Variants in GNG4 observed in about 807,000 individuals in gnomAD.
GNG4 encodes guanine nucleotide-binding protein G(I)/G(S)/G(O) subunit gamma-4.
A neutral mutation model predicts 5.8 loss-of-function variants in GNG4; 4 were observed. The observed-to-expected ratio is 0.69, with a 90% CI of 0.34 to 1.57. The LOEUF (loss-of-function observed/expected upper bound fraction) is 1.57, where lower values mean the gene tolerates loss of function less well. Among genes scored for constraint, GNG4 ranks in the 40% most tolerant of loss-of-function variants. The pLI is 0.06. For missense variants in GNG4, 96 were observed against 95.1 expected, an observed-to-expected ratio of 1.01 and a Z score of -0.04; for synonymous variants, 29 against 32.9, an observed-to-expected ratio of 0.88 and a Z score of 0.41.
intron 1 of GNG4, among the ~76,000 whole-genome samples, chr1:235,622,568 G>A (rs929919479): frequency 2.6e-5 from 4 of 151,902 alleles, no homozygotes; most frequent in Admixed American, 6.6e-5. Context: ...ACAAAAATTC[G>A]GCCAGGCACG....
chr1:235,596,821 C>G (rs992197420), intron 1 of GNG4, among the ~76,000 whole-genome samples: 2 of 151,908 alleles, frequency 1.3e-5, no homozygotes, highest in South Asian at 2.1e-4. Flanking sequence ...GAACTGGGCT[C>G]AAACGAGCCT....
At chr1:235,623,221 G>T (rs1055179207) in intron 1 of GNG4, among the ~76,000 whole-genome samples, 1 of 152,050 alleles carries the variant, frequency 6.6e-6, no homozygotes, top group African/African-American at 2.4e-5. Context: ...ACTGGGGCCC[G>T]TTCTTGGGGC....
intron 1 of GNG4, among the ~76,000 whole-genome samples, chr1:235,632,143 C>T (rs760218545): frequency 4.4e-4 from 67 of 152,142 alleles, no homozygotes; most frequent in African/African-American, 1.4e-3. Context: ...TGGGGTGCAG[C>T]GGCACCATCA....
chr1:235,617,318 AG>A (rs1229053689), intron 1 of GNG4, among the ~76,000 whole-genome samples: 1 of 152,084 alleles, frequency 6.6e-6, no homozygotes, highest in Non-Finnish European at 1.5e-5. Context: ...ACAGGGTGAG[AG>A]GGGAGGCAGG....
intron 3 of GNG4, among the ~76,000 whole-genome samples, chr1:235,575,740 C>A (rs577300588): frequency 6.6e-6 from 1 of 152,330 alleles, no homozygotes; most frequent in South Asian, 2.1e-4. Context: ...CCCAGAGCCT[C>A]ATGAGCCACA....
At chr1:235,601,907 C>T (rs1454454673) in intron 1 of GNG4, among the ~76,000 whole-genome samples, 1 of 152,110 alleles carries the variant, frequency 6.6e-6, no homozygotes, top group African/African-American at 2.4e-5. Context: ...GGTCCCTGGA[C>T]CGGAGGCATC....
intron 1 of GNG4, among the ~76,000 whole-genome samples, chr1:235,608,177 C>A (rs1040341601): frequency 6.6e-6 from 1 of 152,058 alleles, no homozygotes; most frequent in Non-Finnish European, 1.5e-5. Flanking sequence ...ACCTCATGAT[C>A]CACCCACCTC....
intron 3 of GNG4, among the ~76,000 whole-genome samples, chr1:235,567,262 T>C (rs1029806992): frequency 1.3e-5 from 2 of 152,214 alleles, no homozygotes; most frequent in African/African-American, 4.8e-5. Context: ...TAGGACTATA[T>C]GTTTATACAA....
intron 3 of GNG4, among the ~76,000 whole-genome samples, chr1:235,561,989 G>A (rs1687074349): frequency 6.6e-6 from 1 of 152,182 alleles, no homozygotes; most frequent in African/African-American, 2.4e-5. Context: ...TTTATAAAAT[G>A]TAAAAGGTCT....
chr1:235,604,208 T>C lies in GNG4; in HGVS notation c.-122-8697A>G, dbSNP rs183049709. ...CGGCACGTATGGAGGAACACAAACCTGTGTCTGGTGTGTTTGTACAGTCTA... is the reference window on the plus strand; with the variant it reads ...CGGCACGTATGGAGGAACACAAACCCGTGTCTGGTGTGTTTGTACAGTCTA... On this transcript the variant is annotated intron_variant, in intron 1 of 3. Coordinates refer to ENST00000391854, the MANE Select transcript of GNG4 (RefSeq NM_001098722.2). Among the ~76,000 whole-genome samples the C allele has an allele frequency of 1.2e-4, 19 of 152,348 alleles. 1 individual carries two copies. In the East Asian group the frequency reaches 3.7e-3, roughly 29 times the overall value.
intron 2 of GNG4, among the ~76,000 whole-genome samples, chr1:235,586,129 C>G (rs1687752820): frequency 6.6e-6 from 1 of 152,214 alleles, no homozygotes; most frequent in Non-Finnish European, 1.5e-5. Context: ...GAAGACAGAT[C>G]AGCCACCCAA....
At chr1:235,630,768 A>G (rs1330106009) in intron 1 of GNG4, among the ~76,000 whole-genome samples, 4 of 152,136 alleles carry the variant, frequency 2.6e-5, no homozygotes, top group Non-Finnish European at 2.9e-5. Context: ...AAAATAATCA[A>G]TTGGGTGGCC....
chr1:235,625,543 A>G lies in GNG4; in HGVS notation c.-123+24119T>C, dbSNP rs190242093. Among the ~76,000 whole-genome samples, 3 of 152,342 alleles carry G rather than the reference A, an allele frequency of 2.0e-5. No homozygotes were observed. In the East Asian group the frequency reaches 5.8e-4, roughly 29 times the overall value. On this transcript the variant is annotated intron_variant, in intron 1 of 3. Transcript: ENST00000391854. The stretch of plus-strand genomic sequence containing the variant: ...GGTGCTCACTATTATGGTGTCACAC[A>G]GAGGAGTTTCCTGCTCCACCTATTC...
At chr1:235,598,382 G>A (rs1688175947) in intron 1 of GNG4, among the ~76,000 whole-genome samples, 1 of 152,186 alleles carries the variant, frequency 6.6e-6, no homozygotes, top group Admixed American at 6.5e-5. Flanking sequence ...ATCTGCAGCG[G>A]AGGATTGTTT....
intron 1 of GNG4, among the ~76,000 whole-genome samples, chr1:235,624,441 C>A (rs1173478413): frequency 3.9e-5 from 6 of 151,928 alleles, no homozygotes; most frequent in Admixed American, 2.0e-4. Flanking sequence ...GATATTGTTT[C>A]AATAGAAAGG....
chr1:235,612,598 T>C (rs781206446), intron 1 of GNG4, among the ~76,000 whole-genome samples: 40 of 152,058 alleles, frequency 2.6e-4, no homozygotes, highest in Non-Finnish European at 4.1e-4. Context: ...TCATGACTCA[T>C]TGCAGCCTTG....
chr1:235,593,701 G>C (rs933760730), intron 2 of GNG4, among the ~76,000 whole-genome samples: 2 of 152,172 alleles, frequency 1.3e-5, no homozygotes, highest in South Asian at 2.1e-4. Flanking sequence ...TGGCTCAGGA[G>C]TGAAGCTGCA....
intron 3 of GNG4, among the ~76,000 whole-genome samples, chr1:235,562,644 CAAGAAAAAAAAA>C (rs1420751177): frequency 1.8e-4 from 8 of 44,936 alleles, no homozygotes; most frequent in Middle Eastern, 0.031. Context: ...GGCTCTGTCT[CAAGAAAAAAAAA>C]AAGAAAAAAA....
intron 3 of GNG4, among the ~76,000 whole-genome samples, chr1:235,554,285 C>G (rs1195226130): frequency 2.0e-5 from 3 of 152,164 alleles, no homozygotes; most frequent in Admixed American, 6.5e-5. Flanking sequence ...CCTTAGTTTC[C>G]ACTCCTGGCT....
Sources: allele counts gnomAD v4.1 joint callset (sites outside exome capture counted in the v4.1 genomes callset), GRCh38; gene constraint gnomAD v4.1.1; transcripts MANE v1.5; gene names NCBI Gene and HGNC (gene_info 2026-07-23, HGNC 2026-07-21).